ATP13A5: variants seen among roughly 807,000 people sequenced by gnomAD.
ATP13A5 encodes ATPase 13A5.
In ATP13A5, 149 loss-of-function variants were observed where a neutral mutation model predicts 150.2. The ratio of observed to expected loss-of-function variants is 0.99; its 90% confidence interval spans 0.87 to 1.14. The LOEUF (loss-of-function observed/expected upper bound fraction) is 1.14, where lower values mean the gene tolerates loss of function less well. ATP13A5 is among the 50% of genes most tolerant of loss of function. The pLI is 0.00. For missense variants in ATP13A5, 1,383 were observed against 1,449.3 expected (o/e 0.95, Z 0.74); for synonymous variants, 497 against 522.2 (o/e 0.95, Z 0.66).
chr3:193,373,625 C>T lies in ATP13A5; in HGVS notation c.63+5038G>A, dbSNP rs145636324. On this transcript the variant is annotated intron_variant, in intron 1 of 29. Transcript: ENST00000342358. ...ATTTTTGCACTTTGTAACTCTTGAT[C>T]CCTTGTACATAAATGAACCACTTAT... Among the ~76,000 whole-genome samples the T allele has an allele frequency of 6.0e-3, 908 of 152,260 alleles. 13 individuals are homozygous for T. Among genetic ancestry groups the T allele is most frequent in the Middle Eastern group, 0.024 (7 of 294 alleles).
At chr3:193,301,123 T>C in intron 24 of ATP13A5, 88 bp downstream of exon 24, 1 of 1,085,314 alleles carries the variant, frequency 9.2e-7, no homozygotes, top group South Asian at 1.4e-5. Flanking sequence ...TTATAAAACA[T>C]TAAATCTTGT....
At chr3:193,366,441 C>T (rs557286402) in intron 1 of ATP13A5, among the ~76,000 whole-genome samples, 2 of 151,910 alleles carry the variant, frequency 1.3e-5, no homozygotes, top group Non-Finnish European at 1.5e-5. Context: ...AAGCTGATAT[C>T]GCTGTATTAC....
chr3:193,282,549 T>C (rs934786588), intron 27 of ATP13A5, among the ~76,000 whole-genome samples: 2 of 152,098 alleles, frequency 1.3e-5, no homozygotes, highest in African/African-American at 4.8e-5. Context: ...CTAATTTTTG[T>C]ATTATTTAGC....
chr3:193,286,805 T>A (rs1047975864), intron 26 of ATP13A5, among the ~76,000 whole-genome samples: 5 of 152,082 alleles, frequency 3.3e-5, no homozygotes, highest in Non-Finnish European at 5.9e-5. Context: ...TAGAAATGGG[T>A]AAGCTTAGTG....
intron 21 of ATP13A5, among the ~76,000 whole-genome samples, chr3:193,309,224 C>T (rs1345477343): frequency 6.6e-6 from 1 of 152,144 alleles, no homozygotes; most frequent in Non-Finnish European, 1.5e-5. Flanking sequence ...CTTGACTTTC[C>T]CTGCTGGGGC....
At chr3:193,326,894 T>C (rs1719485688) in intron 13 of ATP13A5, 102 bp downstream of exon 13, 1 of 968,830 alleles carries the variant, frequency 1.0e-6, no homozygotes, top group Non-Finnish European at 1.6e-6. Flanking sequence ...CTATTGTATA[T>C]ATTTTATGTG....
intron 11 of ATP13A5, among the ~76,000 whole-genome samples, chr3:193,332,812 G>A (rs1380390403): frequency 1.3e-5 from 2 of 152,116 alleles, no homozygotes; most frequent in African/African-American, 2.4e-5. Flanking sequence ...GCCTCAGTGT[G>A]TATTGGATGT....
At chr3:193,351,352 G>A in intron 6 of ATP13A5, 151 bp from the exon 7 acceptor site, 2 of 1,008,806 alleles carry the variant, frequency 2.0e-6, no homozygotes, top group South Asian at 1.8e-5. Flanking sequence ...TATTGATTTG[G>A]GTTGAGAAAA....
chr3:193,324,865 C>G lies in ATP13A5; in HGVS notation c.1673G>C (p.Trp558Ser). ...CTTTCCATTAAACTATCACCTTACC[C>G]AGGCAGTGCCCTCAAACATTTTGAG... Reference protein sequence around the residue: ...LDLKMFEGTAWKMEDCIVDSC... With the variant: ...LDLKMFEGTASKMEDCIVDSC... Residue 558 changes from tryptophan to serine, a missense_variant and splice_region_variant, in exon 14 of 30, where the codon TGG becomes TCG. Physicochemically the swap from Trp to Ser is radical, Grantham distance 177 (BLOSUM62 -3). Around this residue, in one of 3 missense-constraint regions of ATP13A5, gnomAD observed 787 missense variants for 771.9 expected, o/e 1.02. Coordinates refer to ENST00000342358, the MANE Select transcript of ATP13A5 (RefSeq NM_198505.4). 6.2e-7 allele frequency: 1 copy of G among 1,613,558 alleles called. No homozygotes were observed. The highest frequency in any genetic ancestry group is 8.5e-7 in the Non-Finnish European group (1 of 1,179,804).
intron 26 of ATP13A5, among the ~76,000 whole-genome samples, chr3:193,288,587 GTA>G (rs59789743): frequency 0.4 from 60,645 of 151,804 alleles, 13,006 homozygotes; most frequent in East Asian, 0.55. Context: ...ATAGACTACA[GTA>G]TAGTGTAAAC....
intron 22 of ATP13A5, chr3:193,307,058 G>T (rs1718644038): frequency 1.1e-6 from 1 of 951,296 alleles, no homozygotes; most frequent in African/African-American, 1.8e-5. Flanking sequence ...GACTTGTAAA[G>T]TTCCATCTTT....
At chr3:193,308,246 T>G (rs1295122224) in intron 21 of ATP13A5, among the ~76,000 whole-genome samples, 1 of 151,960 alleles carries the variant, frequency 6.6e-6, no homozygotes, top group African/African-American at 2.4e-5. Flanking sequence ...GATCTTGAGG[T>G]CAGGAGTTCG....
chr3:193,346,970 T>C (rs1712363532), intron 7 of ATP13A5, among the ~76,000 whole-genome samples: 1 of 152,124 alleles, frequency 6.6e-6, no homozygotes, highest in Non-Finnish European at 1.5e-5. Flanking sequence ...TTCTGAGTCG[T>C]AGGTCAGGCA....
At chr3:193,358,596 G>T (rs1712882048) in intron 5 of ATP13A5, among the ~76,000 whole-genome samples, 1 of 152,190 alleles carries the variant, frequency 6.6e-6, no homozygotes, top group Admixed American at 6.5e-5. Context: ...TTCTACAAAT[G>T]ACATGAAAGT....
chr3:193,328,183 T>C (rs1349133338), intron 12 of ATP13A5, among the ~76,000 whole-genome samples: 2 of 152,202 alleles, frequency 1.3e-5, no homozygotes, highest in South Asian at 2.1e-4. Flanking sequence ...CCTTCTGGAG[T>C]CTTCCTCCAA....
chr3:193,312,075 T>A (rs926413946), intron 19 of ATP13A5, 134 bp from the exon 20 acceptor site: 2 of 1,147,978 alleles, frequency 1.7e-6, no homozygotes, highest in Non-Finnish European at 1.2e-6. Flanking sequence ...GTAATTTGCC[T>A]ATAGCAGTTC....
intron 27 of ATP13A5, among the ~76,000 whole-genome samples, chr3:193,282,688 T>C (rs1717552691): frequency 6.6e-6 from 1 of 152,222 alleles, no homozygotes. Context: ...AATTAGTTTC[T>C]TAAATAAATG....
Position 193,325,659 on chromosome 3 carries a change from G to C in ATP13A5, c.1524-645C>G, listed in dbSNP as rs532294842. Among the ~76,000 whole-genome samples, 36 of 152,332 alleles carry C rather than the reference G, an allele frequency of 2.4e-4. 1 individual carries two copies. In the South Asian group the frequency reaches 7.0e-3, roughly 30 times the overall value. On this transcript the variant is annotated intron_variant, in intron 13 of 29. Coordinates refer to ENST00000342358, the MANE Select transcript of ATP13A5 (RefSeq NM_198505.4). ...CAGGAAATTAGGGATAGGAAAGAAGGCTGCATGGATGCAGAAGCATTTTTC... is the reference window on the plus strand; with the variant it reads ...CAGGAAATTAGGGATAGGAAAGAAGCCTGCATGGATGCAGAAGCATTTTTC...
intron 1 of ATP13A5, 38 bp downstream of exon 1, chr3:193,378,625 C>G (rs1713728865): frequency 3.8e-6 from 6 of 1,574,574 alleles, no homozygotes; most frequent in Non-Finnish European, 4.4e-6. Flanking sequence ...CCGCCTTGGG[C>G]TCTTTGAGAA....
Sources: gnomAD v4.1 joint callset for allele counts (sites outside exome capture counted in the v4.1 genomes callset) on GRCh38, gnomAD v4.1.1 for gene constraint, gnomAD v4.1.1 regional missense constraint, MANE v1.5 for transcripts, NCBI Gene and HGNC (gene_info 2026-07-23, HGNC 2026-07-21) for gene names.